The following PROM2 variants were observed in gnomAD, a reference collection of about 807,000 sequenced individuals.
PROM2 encodes the protein prominin-2.
A neutral mutation model predicts 110.2 loss-of-function variants in PROM2; 90 were observed. That is an observed-to-expected ratio of 0.82 (90% CI 0.69 to 0.97). The LOEUF (loss-of-function observed/expected upper bound fraction) is 0.97. PROM2 is among the 50% of genes least tolerant of loss of function. PROM2 has a pLI of 0.00. For missense variants in PROM2, 1,009 were observed against 1,074.8 expected (o/e 0.94, Z 0.86); for synonymous variants, 470 against 467.8 (o/e 1.00, Z -0.06).
chr2:95,276,282 C>G lies in PROM2; in HGVS notation c.553C>G (p.Pro185Ala). ...CCAGCGCACGCATGAACAGATGGGCCCCAGCATCGAGGCCATGCCTGAGAC... is the reference window on the plus strand; with the variant it reads ...CCAGCGCACGCATGAACAGATGGGCGCCAGCATCGAGGCCATGCCTGAGAC... ...TNQRTHEQMGPSIEAMPETLL... is the reference protein window; with the variant it reads ...TNQRTHEQMGASIEAMPETLL... Residue 185 changes from proline (P) to alanine (A), a missense_variant, in exon 4 of 24, where the codon CCC becomes GCC. Physicochemically the swap from Pro to Ala is conservative, Grantham distance 27. Coordinates refer to ENST00000317620, the MANE Select transcript of PROM2 (RefSeq NM_001165978.3). This position sits in a 1 kb window ranked among gnomAD's most constrained non-coding sequence, Gnocchi z 4.6. 1.2e-6 allele frequency: 2 copies of G among 1,613,918 alleles called. No homozygotes were observed. Among genetic ancestry groups the G allele is most frequent in the South Asian group, 1.1e-5 (1 of 91,088 alleles).
rs553929109 is a variant in PROM2, at chr2:95,277,207, C to G, written c.772+146C>G. ...CGCTGTACCCCAGGATCCAGCCCCC[C>G]TCCCCTGGCTTAATGTGCCCTGGGG... is the stretch of plus-strand genomic sequence containing the variant. On this transcript the variant is annotated intron_variant, in intron 6 of 23. Transcript: ENST00000317620. 1.9e-4 allele frequency: 213 copies of G among 1,112,380 alleles called. 1 individual carries two copies. Among genetic ancestry groups the G allele is most frequent in the Non-Finnish European group, 2.6e-4 (200 of 783,536 alleles). The allele number at this position is 1,112,380 out of a possible 1,614,324, so 68.9% of individuals were successfully genotyped here.
Position 95,275,807 on chromosome 2 carries a change from A to G in PROM2, c.295-123A>G, listed in dbSNP as rs1351763265. The G allele has an allele frequency of 1.9e-5, 28 of 1,508,272 alleles. No homozygotes were observed. Among genetic ancestry groups the G allele is most frequent in the East Asian group, 7.4e-5 (3 of 40,618 alleles). The allele number at this position is 1,508,272 out of a possible 1,614,324, so 93.4% of individuals were successfully genotyped here. ...TGCGGTCACCTCTGGGACGGGTTCC[A>G]TGAGATGCAGGCCATGCCCCTGACG... is the stretch of plus-strand genomic sequence containing the variant. On this transcript the variant is annotated intron_variant, in intron 2 of 23. Coordinates refer to ENST00000317620, the MANE Select transcript of PROM2 (RefSeq NM_001165978.3). The surrounding 1 kb of genome is among the most constrained non-coding windows in gnomAD (Gnocchi z 4.4).
Position 95,275,637 on chromosome 2 carries a change from C to A in PROM2, c.294+127C>A. The A allele has an allele frequency of 7.4e-7, 1 of 1,352,392 alleles. No individual in the cohort carries two copies. The allele number at this position is 1,352,392 out of a possible 1,614,324, so 83.8% of individuals were successfully genotyped here. A position where few individuals can be genotyped will look rare whatever the true frequency, so the allele number is the denominator to read the frequency against. On this transcript the variant is annotated intron_variant, in intron 2 of 23. Coordinates refer to ENST00000317620, the MANE Select transcript of PROM2 (RefSeq NM_001165978.3). This position sits in a 1 kb window ranked among gnomAD's most constrained non-coding sequence, Gnocchi z 4.4. ...TCCACTAGGCAGGGGCTCAGGCATCCTCTCCCCTCCTCTGTGGGCGCTGCA... is the reference window on the plus strand; with the variant it reads ...TCCACTAGGCAGGGGCTCAGGCATCATCTCCCCTCCTCTGTGGGCGCTGCA...
Position 95,279,968 on chromosome 2 carries a change from G to A in PROM2, c.1398G>A (p.Lys466=). Residue 466 remains lysine, a synonymous_variant, in exon 11 of 24, where the codon AAG becomes AAA. Coordinates refer to ENST00000317620, the MANE Select transcript of PROM2 (RefSeq NM_001165978.3). ...ACGACCCCAGCCACCCAGAAGCCAA[G>A]GGCGAGGCTGGAGCCCGCTTCCTCA... ...ARDDPSHPEA[K]GEAGARFLMA... 1 of 1,484,568 alleles carries A rather than the reference G, an allele frequency of 6.7e-7. No individual in the cohort carries two copies. The highest frequency in any genetic ancestry group is 9.0e-7 in the Non-Finnish European group (1 of 1,114,136). The allele number at this position is 1,484,568 out of a possible 1,614,324, so 92.0% of individuals were successfully genotyped here. A position where few individuals can be genotyped will look rare whatever the true frequency, so the allele number is the denominator to read the frequency against.
chr2:95,276,140 G>A lies in PROM2; in HGVS notation c.497+8G>A, dbSNP rs201705125. 5.6e-5 allele frequency: 91 copies of A among 1,611,746 alleles called. No homozygotes were observed. The East Asian group carries it at 1.6e-3, about 29-fold the overall frequency. On this transcript the variant is annotated splice_region_variant and intron_variant, in intron 3 of 23. Coordinates refer to ENST00000317620, the MANE Select transcript of PROM2 (RefSeq NM_001165978.3). The surrounding 1 kb of genome is among the most constrained non-coding windows in gnomAD (Gnocchi z 4.6). Reference sequence around the variant, plus strand: ...GACCACCCTCTTGCTGCTGTAAGGCGCTGCCCAGGGCCCGGGTAGGGCGGG... The same window carrying A: ...GACCACCCTCTTGCTGCTGTAAGGCACTGCCCAGGGCCCGGGTAGGGCGGG...
In PROM2 at chr2:95,286,381, C is replaced by T; in HGVS notation, c.1948-98C>T. 5 of 1,067,980 alleles carry T rather than the reference C, an allele frequency of 4.7e-6. No individual in the cohort carries two copies. The East Asian group carries it at 1.2e-4, about 26-fold the overall frequency. 66.2% of individuals were successfully genotyped at this position (1,067,980 alleles called of 1,614,324 possible). ...AGGCCTCAGTTTTCTGCCTCTGAGC[C>T]CAGCACTCCCACTTTCTCTTGGTAT... On this transcript the variant is annotated intron_variant, in intron 16 of 23. Transcript: ENST00000317620.
chr2:95,288,019 C>T (rs1350960314), intron 20 of PROM2, among the ~76,000 whole-genome samples, 192 bp from the exon 21 acceptor site: 1 of 152,118 alleles, frequency 6.6e-6, no homozygotes, highest in East Asian at 1.9e-4. Context: ...AGGGGCCCAG[C>T]GAGGAGTCTG....
intron 20 of PROM2, 44 bp downstream of exon 20, chr2:95,287,508 G>A (rs777101517): frequency 1.7e-5 from 27 of 1,592,964 alleles, no homozygotes; most frequent in Admixed American, 6.7e-5. Flanking sequence ...CTGCTCCATC[G>A]GACCAGCTGT....
intron 10 of PROM2, 54 bp downstream of exon 10, chr2:95,279,198 C>G: frequency 7.6e-7 from 1 of 1,311,154 alleles, no homozygotes. Flanking sequence ...AGCCCAGCCT[C>G]TATGCCACCC....
chr2:95,278,041 C>G, intron 8 of PROM2, 37 bp downstream of exon 8: 1 of 1,539,402 alleles, frequency 6.5e-7, no homozygotes, highest in East Asian at 2.3e-5. Context: ...TCTCCCTCAC[C>G]TGCCAAGTGA....
Position 95,276,506 on chromosome 2 carries a change from A to T in PROM2, c.619-88A>T. ...GTCGACCACCCTCAGGGTGGATGCC[A>T]TAGGGGCAGGGAAGGGGCCAGGGAG... is the stretch of plus-strand genomic sequence containing the variant. On this transcript the variant is annotated intron_variant, in intron 4 of 23. Coordinates refer to ENST00000317620, the MANE Select transcript of PROM2 (RefSeq NM_001165978.3). The surrounding 1 kb of genome is among the most constrained non-coding windows in gnomAD (Gnocchi z 4.6). 1 of 1,603,500 alleles carries T rather than the reference A, an allele frequency of 6.2e-7. No homozygotes were observed. The highest frequency in any genetic ancestry group is 1.1e-5 in the South Asian group (1 of 90,758).
chr2:95,285,169 G>C, intron 15 of PROM2, 54 bp downstream of exon 15: 1 of 1,480,596 alleles, frequency 6.8e-7, no homozygotes, highest in Non-Finnish European at 9.0e-7. Context: ...ATGGAACGAA[G>C]GGGCCCACAG....
chr2:95,275,603 C>A lies in PROM2; in HGVS notation c.294+93C>A. ...AGCCTTGGCTCCCCTTAGCCCACCT[C>A]GCTGGGTGTCCACTAGGCAGGGGCT... On this transcript the variant is annotated intron_variant, in intron 2 of 23. Transcript: ENST00000317620. This position sits in a 1 kb window ranked among gnomAD's most constrained non-coding sequence, Gnocchi z 4.4. 1 of 1,489,364 alleles carries A rather than the reference C, an allele frequency of 6.7e-7. No homozygotes were observed. The highest frequency in any genetic ancestry group is 9.2e-7 in the Non-Finnish European group (1 of 1,089,730). 92.3% of individuals were successfully genotyped at this position (1,489,364 alleles called of 1,614,324 possible).
At position 95,281,052 on chromosome 2, in the gene PROM2, G is replaced by A. The variant is rs1450812704; in HGVS notation, c.1428-190G>A. Among the ~76,000 whole-genome samples, 5 of 152,174 alleles carry A rather than the reference G, an allele frequency of 3.3e-5. 1 individual carries two copies. Among genetic ancestry groups the A allele is most frequent in the Non-Finnish European group, 7.4e-5 (5 of 68,026 alleles). Reference sequence around the variant, plus strand: ...GTGGGGATGAGGTGAAGGTGAGGCCGGGACAGTCAGGAATACTGGGTTCTC... The same window carrying A: ...GTGGGGATGAGGTGAAGGTGAGGCCAGGACAGTCAGGAATACTGGGTTCTC... On this transcript the variant is annotated intron_variant, in intron 11 of 23. Coordinates refer to ENST00000317620, the MANE Select transcript of PROM2 (RefSeq NM_001165978.3).
Position 95,276,865 on chromosome 2 carries a change from C to G in PROM2, c.683-107C>G, listed in dbSNP as rs1470432409. 1 of 1,268,362 alleles carries G rather than the reference C, an allele frequency of 7.9e-7. No individual in the cohort carries two copies. Among genetic ancestry groups the G allele is most frequent in the African/African-American group, 1.5e-5 (1 of 67,270 alleles). The allele number at this position is 1,268,362 out of a possible 1,614,324, so 78.6% of individuals were successfully genotyped here. ...TCCCCGCTCCTTCACTCCCCTCCAC[C>G]CCCCGGCTCCTGCAGAGCCCGGTGG... On this transcript the variant is annotated intron_variant, in intron 5 of 23. Transcript: ENST00000317620. The surrounding 1 kb of genome is among the most constrained non-coding windows in gnomAD (Gnocchi z 4.6).
chr2:95,279,118 G>C lies in PROM2; in HGVS notation c.1248G>C (p.Gln416His), dbSNP rs776604950. 8.2e-6 allele frequency: 13 copies of C among 1,579,152 alleles called. No individual in the cohort carries two copies. Among genetic ancestry groups the C allele is most frequent in the Non-Finnish European group, 1.0e-5 (12 of 1,162,590 alleles). The change falls in exon 10 of 24, where the codon CAG (glutamine) becomes CAC (histidine). Residue 416 changes from glutamine (Q) to histidine (H), a missense_variant. Physicochemically the swap from Gln to His is conservative, Grantham distance 24. Coordinates refer to ENST00000317620, the MANE Select transcript of PROM2 (RefSeq NM_001165978.3). ...AGGAGAGCAGCCGCCCCTACCTGCA[G>C]GAGGTGCAGAGATACGAGACCTACA... ...EVEESSRPYL[Q>H]EVQRYETYRW...
intron 20 of PROM2, 82 bp from the exon 21 acceptor site, chr2:95,288,129 A>G (rs1233310243): frequency 9.9e-6 from 14 of 1,415,202 alleles, no homozygotes; most frequent in Non-Finnish European, 1.2e-5. Context: ...GTCCCTGTCA[A>G]CCACTCTCCC....
intron 16 of PROM2, among the ~76,000 whole-genome samples, chr2:95,286,133 G>C (rs1049453515): frequency 1.3e-5 from 2 of 152,224 alleles, no homozygotes; most frequent in African/African-American, 4.8e-5. Flanking sequence ...ATAGCATTTT[G>C]TATTTATAAC....
At chr2:95,278,555 A>G in intron 8 of PROM2, 166 bp from the exon 9 acceptor site, 2 of 746,548 alleles carry the variant, frequency 2.7e-6, no homozygotes, top group Non-Finnish European at 4.7e-6. Flanking sequence ...TGGGAAGTTG[A>G]GTCAGACTGG....
Sources: gnomAD v4.1 joint callset for allele counts (sites outside exome capture counted in the v4.1 genomes callset) on GRCh38, gnomAD v4.1.1 for gene constraint, Gnocchi (gnomAD v3.1) non-coding constraint, MANE v1.5 for transcripts, NCBI Gene and HGNC (gene_info 2026-07-23, HGNC 2026-07-21) for gene names.